Variants in CSF1 observed in about 807,000 individuals in gnomAD.
CSF1 encodes macrophage colony-stimulating factor 1.
Under a neutral mutation model 48.9 loss-of-function variants are expected in CSF1, and 9 were observed. That is an observed-to-expected ratio of 0.18 (90% CI 0.11 to 0.32). The LOEUF is 0.32. Ranked by LOEUF, CSF1 falls within the 10% of genes least tolerant of loss-of-function variation. The probability of loss-of-function intolerance (pLI) is 1.00; values close to 1 mark genes in which losing one functional copy is unlikely to be tolerated. For missense variants in CSF1, 672 were observed against 697.9 expected (o/e 0.96, Z 0.42); for synonymous variants, 305 against 284.1 (o/e 1.07, Z -0.74).
Position 109,923,736 on chromosome 1 carries a change from C to T in CSF1, c.1115C>T (p.Pro372Leu), listed in dbSNP as rs773381408. 1.9e-6 allele frequency: 3 copies of T among 1,611,372 alleles called. No individual in the cohort carries two copies. In the African/African-American group the frequency reaches 4.0e-5, roughly 21 times the overall value. The change falls in exon 6 of 9, where the codon CCC (proline) becomes CTC (leucine). Residue 372 changes from proline to leucine, a missense_variant. By Grantham distance (98) the Pro-to-Leu change is moderately conservative (BLOSUM62 -3). Transcript: ENST00000329608. ...GGTACCGCCTTGCCCAGGGTGGGCCCCGTGAGGCCCACTGGCCAGGACTGG... is the reference window on the plus strand; with the variant it reads ...GGTACCGCCTTGCCCAGGGTGGGCCTCGTGAGGCCCACTGGCCAGGACTGG... The part of the protein sequence containing the change: ...VTGTALPRVG[P>L]VRPTGQDWNH...
chr1:109,917,385 C>A lies in CSF1; in HGVS notation c.318C>A (p.Ala106=), dbSNP rs1647269489. The part of the protein sequence containing the change: ...TMRFRDNTPN[A]IAIVQLQELS... ...GCTTCAGAGATAACACCCCCAATGC[C>A]ATCGCCATTGTGCAGCTGCAGGAAC... The change falls in exon 4 of 9, where the codon GCC becomes GCA. Residue 106 remains alanine, a synonymous_variant. Coordinates refer to ENST00000329608, the MANE Select transcript of CSF1 (RefSeq NM_000757.6). 1.9e-6 allele frequency: 3 copies of A among 1,614,212 alleles called. No individual in the cohort carries two copies. Among genetic ancestry groups the A allele is most frequent in the Non-Finnish European group, 2.5e-6 (3 of 1,180,040 alleles).
At chr1:109,925,780 A>C (rs1335123911) in intron 8 of CSF1, among the ~76,000 whole-genome samples, 1 of 151,884 alleles carries the variant, frequency 6.6e-6, no homozygotes, top group Non-Finnish European at 1.5e-5. Flanking sequence ...GCCCCTCTCC[A>C]TGTCCCCAAC....
chr1:109,910,923 A>C lies in CSF1; in HGVS notation c.-101A>C. 1.2e-6 allele frequency: 1 copy of C among 823,972 alleles called. No homozygotes were observed. Among genetic ancestry groups the C allele is most frequent in the Non-Finnish European group, 1.5e-6 (1 of 666,494 alleles). 51.0% of individuals were successfully genotyped at this position (823,972 alleles called of 1,614,324 possible). A position where few individuals can be genotyped will look rare whatever the true frequency, so the allele number is the denominator to read the frequency against. ...AGAGCCGCTCTCCGCATCCCAGGAC[A>C]GCGGTGCGGCCCTCGGCCGGGGCGC... On this transcript the variant is annotated 5_prime_UTR_variant, in exon 1 of 9. Coordinates refer to ENST00000329608, the MANE Select transcript of CSF1 (RefSeq NM_000757.6).
chr1:109,910,544 G>A, upstream of CSF1: 1 of 339,738 alleles, frequency 2.9e-6, no homozygotes, highest in Admixed American at 3.3e-5. Flanking sequence ...GGGTCGGTCC[G>A]CAGAGGGCGC....
chr1:109,910,591 T>C (rs1334103503), upstream of CSF1: 4 of 265,264 alleles, frequency 1.5e-5, no homozygotes, highest in East Asian at 2.5e-4. Context: ...GAGCCCGCGC[T>C]CGTTTGCTGA....
At chr1:109,921,816 C>T in intron 4 of CSF1, 31 bp from the exon 5 acceptor site, 1 of 1,524,984 alleles carries the variant, frequency 6.6e-7, no homozygotes, top group African/African-American at 1.4e-5. Context: ...AATGGTCATG[C>T]TCACAAAAGG....
Position 109,914,269 on chromosome 1 carries a change from G to T in CSF1, c.50G>T (p.Gly17Val), listed in dbSNP as rs774978352. ...AGRCPPTTWLGSLLLLVCLLA... is the reference protein window; with the variant it reads ...AGRCPPTTWLVSLLLLVCLLA... Reference sequence around the variant, plus strand: ...CCCTCTCTGTCACAGACATGGCTGGGCTCCCTGCTGTTGTTGGTCTGTCTC... The same window carrying T: ...CCCTCTCTGTCACAGACATGGCTGGTCTCCCTGCTGTTGTTGGTCTGTCTC... The change falls in exon 2 of 9, where the codon GGC becomes GTC. Residue 17 changes from glycine (G) to valine (V), a missense_variant. By Grantham distance (109) the Gly-to-Val change is moderately radical. Transcript: ENST00000329608. 2.5e-6 allele frequency: 4 copies of T among 1,605,140 alleles called. No homozygotes were observed. The highest frequency in any genetic ancestry group is 3.4e-6 in the Non-Finnish European group (4 of 1,175,424).
In CSF1 at chr1:109,914,398, G is replaced by A. The variant is rs1433526868; in HGVS notation, c.162+17G>A. 6.3e-7 allele frequency: 1 copy of A among 1,581,940 alleles called. No homozygotes were observed. Among genetic ancestry groups the A allele is most frequent in the East Asian group, 2.3e-5 (1 of 43,654 alleles). On this transcript the variant is annotated intron_variant, in intron 2 of 8. Transcript: ENST00000329608. ...CAGCGGCTGGTGAGTGTGTGGCCAT[G>A]CTGTATTCTACCTTCTCCCCACTGG...
intron 2 of CSF1, among the ~76,000 whole-genome samples, chr1:109,914,639 G>C (rs1400046842): frequency 6.6e-6 from 1 of 152,218 alleles, no homozygotes; most frequent in African/African-American, 2.4e-5. Context: ...TGCTTGCCTG[G>C]GTTAGTGATT....
At position 109,917,138 on chromosome 1, in the gene CSF1, G is replaced by A. The variant is rs368995243; in HGVS notation, c.226-155G>A. Among the ~76,000 whole-genome samples, 32 of 152,176 alleles carry A rather than the reference G, an allele frequency of 2.1e-4. No homozygotes were observed. The East Asian group carries it at 5.1e-3, about 24-fold the overall frequency. ...TAGATCCCAAAGAGAGAGAAAGACA[G>A]GCAAGCTGAGGGCGGCATTCTCCTA... On this transcript the variant is annotated intron_variant, in intron 3 of 8. Transcript: ENST00000329608.
chr1:109,912,148 G>A (rs945521714), intron 1 of CSF1, among the ~76,000 whole-genome samples: 1 of 152,000 alleles, frequency 6.6e-6, no homozygotes, highest in African/African-American at 2.4e-5. Flanking sequence ...AGAAGGGTTA[G>A]CCATAGGCAG....
chr1:109,913,430 A>G (rs1385541546), intron 1 of CSF1, among the ~76,000 whole-genome samples: 1 of 152,192 alleles, frequency 6.6e-6, no homozygotes, highest in African/African-American at 2.4e-5. Flanking sequence ...AAGAGAAGGA[A>G]GAGAGGAAGG....
rs754662577 is a variant in CSF1, at chr1:109,923,132, T to C, written c.545-34T>C. The C allele has an allele frequency of 2.0e-6, 3 of 1,500,720 alleles. No individual in the cohort carries two copies. The South Asian group carries it at 4.1e-5, about 21-fold the overall frequency. 93.0% of individuals were successfully genotyped at this position (1,500,720 alleles called of 1,614,324 possible). ...GGCTAGTGACTCTATCTCCTCCCCA[T>C]CTTTCTCTCTCCTTCTCTCTGTGGT... On this transcript the variant is annotated intron_variant, in intron 5 of 8. Coordinates refer to ENST00000329608, the MANE Select transcript of CSF1 (RefSeq NM_000757.6).
intron 2 of CSF1, 116 bp from the exon 3 acceptor site, chr1:109,915,518 G>T: frequency 1.2e-6 from 1 of 818,980 alleles, no homozygotes; most frequent in Middle Eastern, 2.3e-4. Context: ...GTGGTTGGCA[G>T]GGATGAAGTT....
intron 5 of CSF1, 138 bp downstream of exon 5, chr1:109,922,132 T>A: frequency 9.8e-7 from 1 of 1,018,806 alleles, no homozygotes; most frequent in Non-Finnish European, 1.4e-6. Flanking sequence ...ATGAATGTGC[T>A]TGTTCTGTGT....
chr1:109,923,851 C>T lies in CSF1; in HGVS notation c.1230C>T (p.Pro410=), dbSNP rs763683583. 3.7e-6 allele frequency: 6 copies of T among 1,613,894 alleles called. No homozygotes were observed. The highest frequency in any genetic ancestry group is 5.1e-6 in the Non-Finnish European group (6 of 1,179,906). Residue 410 remains proline (P), a synonymous_variant, in exon 6 of 9, where the codon CCC becomes CCT. Coordinates refer to ENST00000329608, the MANE Select transcript of CSF1 (RefSeq NM_000757.6). ...PGSPRISSLR[P]QGLSNPSTLS... is the part of the protein sequence containing the mutation. The stretch of plus-strand genomic sequence containing the variant: ...CTCCCAGGATCTCATCACTGCGCCC[C>T]CAGGGCCTCAGCAACCCCTCCACCC...
chr1:109,915,795 T>C, intron 3 of CSF1, 99 bp downstream of exon 3: 2 of 1,018,116 alleles, frequency 2.0e-6, no homozygotes, highest in African/African-American at 1.6e-5. Flanking sequence ...TGCCTACTGC[T>C]GGAAAGGGTG....
intron 2 of CSF1, 22 bp from the exon 3 acceptor site, chr1:109,915,612 G>A (rs2275123): frequency 0.17 from 280,961 of 1,606,016 alleles, 26,222 homozygotes; most frequent in East Asian, 0.37. Context: ...CCCTGCAATC[G>A]TTGGCCTGCT....
intron 4 of CSF1, among the ~76,000 whole-genome samples, chr1:109,917,818 A>G (rs1009647070): frequency 8.5e-5 from 13 of 152,210 alleles, no homozygotes; most frequent in Non-Finnish European, 1.5e-5. Flanking sequence ...TGTACCAGAC[A>G]CTGTTCTAGA....
Sources: allele counts gnomAD v4.1 joint callset (sites outside exome capture counted in the v4.1 genomes callset), GRCh38; gene constraint gnomAD v4.1.1; transcripts MANE v1.5; gene names NCBI Gene and HGNC (gene_info 2026-07-23, HGNC 2026-07-21).